NLGN3: variants seen among roughly 807,000 people sequenced by gnomAD.
The protein encoded by NLGN3 is neuroligin 3, also known as neuroligin-3.
A neutral mutation model predicts 42.9 loss-of-function variants in NLGN3; 11 were observed. The ratio of observed to expected loss-of-function variants is 0.26; its 90% confidence interval spans 0.16 to 0.42. The LOEUF is 0.42. NLGN3 is among the 10% of genes least tolerant of loss of function. NLGN3 has a pLI of 1.00. For missense variants in NLGN3, 374 were observed against 733.8 expected (o/e 0.51, Z 5.67); for synonymous variants, 279 against 312.7 (o/e 0.89, Z 1.14).
downstream of NLGN3, among the ~76,000 whole-genome samples, chrX:71,172,209 C>T (rs1369373717): frequency 1.8e-5 from 2 of 111,202 alleles, no homozygotes; most frequent in African/African-American, 6.6e-5. Context: ...GGTTTTTCCC[C>T]CTCCTTTCCT....
At chrX:71,172,655 TGA>T (rs1491031691), downstream of NLGN3, among the ~76,000 whole-genome samples, 3 of 107,129 alleles carry the variant, frequency 2.8e-5, no homozygotes, top group South Asian at 4.0e-4. Context: ...TGTGTGTGTG[TGA>T]GATCTAGAAA....
At chrX:71,163,974 G>A (rs185801821) in intron 5 of NLGN3, among the ~76,000 whole-genome samples, 169 bp from the exon 6 acceptor site, 14 of 112,861 alleles carry the variant, frequency 1.2e-4, no homozygotes, top group African/African-American at 4.2e-4. Flanking sequence ...CTCTGTTGAC[G>A]ATGCTGGACA....
At chrX:71,159,336 GGAAAAA>G (rs1272759926) in intron 5 of NLGN3, among the ~76,000 whole-genome samples, 2 of 109,627 alleles carry the variant, frequency 1.8e-5, no homozygotes, top group Non-Finnish European at 3.8e-5. Context: ...AAAAAGAAAA[GGAAAAA>G]GAAAAAGAAA....
intron 3 of NLGN3, among the ~76,000 whole-genome samples, chrX:71,150,876 C>T (rs1213637520): frequency 9.0e-6 from 1 of 111,119 alleles, no homozygotes; most frequent in Non-Finnish European, 1.9e-5. Context: ...CTCAAACATG[C>T]ACATTTACCA....
downstream of NLGN3, among the ~76,000 whole-genome samples, chrX:71,173,977 G>C (rs2092474876): frequency 3.6e-5 from 4 of 111,596 alleles, no homozygotes; most frequent in African/African-American, 1.3e-4. Flanking sequence ...GTGCTTGAGG[G>C]GATGGGCCAA....
At chrX:71,150,626 C>T (rs1366035247) in intron 3 of NLGN3, among the ~76,000 whole-genome samples, 2 of 104,441 alleles carry the variant, frequency 1.9e-5, no homozygotes, top group African/African-American at 7.0e-5. Flanking sequence ...GGCATGAACC[C>T]AGGAGGCAGA....
intron 5 of NLGN3, among the ~76,000 whole-genome samples, chrX:71,161,114 TC>T (rs2092428471): frequency 1.0e-5 from 1 of 98,728 alleles, no homozygotes; most frequent in African/African-American, 4.2e-5. Context: ...TTCTTTTCTT[TC>T]TTTTTTTTTT....
chrX:71,148,998 T>A (rs2092381503), intron 3 of NLGN3, 93 bp downstream of exon 3: 3 of 527,915 alleles, frequency 5.7e-6, no homozygotes, highest in African/African-American at 2.4e-5. Flanking sequence ...TTCCTCCAAG[T>A]AGCCCAGGCT....
In NLGN3 at chrX:71,153,548, C is replaced by A; in HGVS notation, c.577+12C>A. 8.3e-7 allele frequency: 1 copy of A among 1,199,521 alleles called. No homozygotes were observed. The highest frequency in any genetic ancestry group is 1.1e-6 in the Non-Finnish European group (1 of 886,733). On this transcript the variant is annotated intron_variant, in intron 4 of 7. Coordinates refer to ENST00000358741, the MANE Select transcript of NLGN3 (RefSeq NM_181303.2). ...GGATGAAGATGAAGGTATTTGGGGGCTGCAGGGCGCGGCGGCTGGTGCATG... is the reference window on the plus strand; with the variant it reads ...GGATGAAGATGAAGGTATTTGGGGGATGCAGGGCGCGGCGGCTGGTGCATG...
rs769129129 is a variant in NLGN3 at position 71,147,833 on chromosome X, C to T, written c.84C>T (p.Phe28=). Residue 28 remains phenylalanine (F), a synonymous_variant, in exon 2 of 8, where the codon TTC becomes TTT. Coordinates refer to ENST00000358741, the MANE Select transcript of NLGN3 (RefSeq NM_181303.2). Reference sequence around the variant, plus strand: ...GGAGCCTGTGCCTCACCCTGTGGTTCCTCAGTTTGGCGCTGAGGGCCAGTA... The same window carrying T: ...GGAGCCTGTGCCTCACCCTGTGGTTTCTCAGTTTGGCGCTGAGGGCCAGTA... ...VGRSLCLTLW[F]LSLALRASTQ... 76 of 1,208,108 alleles carry T rather than the reference C, an allele frequency of 6.3e-5. 1 individual carries two copies. The South Asian group carries it at 1.3e-3, about 21-fold the overall frequency.
intron 5 of NLGN3, among the ~76,000 whole-genome samples, chrX:71,159,001 TGCACACACATGCATGTGC>T (rs1556347607): frequency 9.0e-6 from 1 of 110,861 alleles, no homozygotes; most frequent in African/African-American, 3.3e-5. Flanking sequence ...CATGCGTGTG[TGCACACACATGCATGTGC>T]GCACACACAC....
intron 1 of NLGN3, among the ~76,000 whole-genome samples, chrX:71,147,323 A>G (rs1437991542): frequency 8.9e-6 from 1 of 112,277 alleles, no homozygotes; most frequent in African/African-American, 3.2e-5. Context: ...TTGCAGTGGC[A>G]ACAACTGTCA....
rs2092368170 is a variant in NLGN3, at chrX:71,146,164, C to CACACAG, written c.-201+1205_-201+1206insGACACA. Among the ~76,000 whole-genome samples the CACACAG allele has an allele frequency of 6.2e-5, 3 of 48,012 alleles. No individual in the cohort carries two copies. In the Admixed American group the frequency reaches 8.6e-4, roughly 14 times the overall value. The allele number at this position is 48,012 out of a possible 115,157, so 41.7% of individuals were successfully genotyped here. A position where few individuals can be genotyped will look rare whatever the true frequency, so the allele number is the denominator to read the frequency against. On this transcript the variant is annotated intron_variant, in intron 1 of 7. Coordinates refer to ENST00000358741, the MANE Select transcript of NLGN3 (RefSeq NM_181303.2). ...TCTCTCTCTCTCTCTCACACACACA[C>CACACAG]ACACACAGACACACACACACACACA... is the stretch of plus-strand genomic sequence containing the variant.
chrX:71,158,055 TTC>T (rs2092415961), intron 5 of NLGN3, among the ~76,000 whole-genome samples: 1 of 107,966 alleles, frequency 9.3e-6, no homozygotes, highest in African/African-American at 3.4e-5. Flanking sequence ...GCTGCACACT[TTC>T]TTTTTTTAAT....
At chrX:71,175,108 T>A (rs1411058702), downstream of NLGN3, among the ~76,000 whole-genome samples, 1 of 111,576 alleles carries the variant, frequency 9.0e-6, no homozygotes, top group Non-Finnish European at 1.9e-5. Flanking sequence ...GTGAGAAGAC[T>A]GAAGAATCCC....
Position 71,169,636 on chromosome X carries a change from C to T in NLGN3, c.2086C>T (p.Leu696Phe). 1 of 1,212,164 alleles carries T rather than the reference C, an allele frequency of 8.2e-7. No individual in the cohort carries two copies. The part of the protein sequence containing the change: ...SWNGDQDAGP[L>F]LVENPRDYST... Reference sequence around the variant, plus strand: ...GAACGGGGACCAGGATGCAGGGCCACTCCTGGTGGAGAACCCTCGTGACTA... The same window carrying T: ...GAACGGGGACCAGGATGCAGGGCCATTCCTGGTGGAGAACCCTCGTGACTA... The change falls in exon 8 of 8, where the codon CTC becomes TTC. Residue 696 changes from leucine to phenylalanine, a missense_variant. By Grantham distance (22) the Leu-to-Phe change is conservative (BLOSUM62 0). Transcript: ENST00000358741.
chrX:71,163,730 A>T (rs1440707779), intron 5 of NLGN3, among the ~76,000 whole-genome samples: 2 of 112,224 alleles, frequency 1.8e-5, no homozygotes, highest in African/African-American at 6.5e-5. Context: ...TACATGACTA[A>T]GATGTGATAG....
At position 71,170,740 on chromosome X, in the gene NLGN3, C is replaced by A; in HGVS notation, c.*643C>A. 1 of 760,058 alleles carries A rather than the reference C, an allele frequency of 1.3e-6. No individual in the cohort carries two copies. Among genetic ancestry groups the A allele is most frequent in the Non-Finnish European group, 1.6e-6 (1 of 642,663 alleles). The allele number at this position is 760,058 out of a possible 1,213,427, so 62.6% of individuals were successfully genotyped here. On this transcript the variant is annotated 3_prime_UTR_variant, in exon 8 of 8. Transcript: ENST00000358741. Reference sequence around the variant, plus strand: ...AGGAAGGAAACAGATTTAAGCAAGACCATGGGGTGGAAGGAGAAAGGGGCT... The same window carrying A: ...AGGAAGGAAACAGATTTAAGCAAGAACATGGGGTGGAAGGAGAAAGGGGCT...
chrX:71,157,318 A>ATTTG (rs2092413246), intron 5 of NLGN3, among the ~76,000 whole-genome samples: 2 of 102,480 alleles, frequency 2.0e-5, no homozygotes, highest in Admixed American at 2.1e-4. Flanking sequence ...TTATTTATTT[A>ATTTG]TTTATTATTT....
Sources: allele counts gnomAD v4.1 joint callset (sites outside exome capture counted in the v4.1 genomes callset), GRCh38; gene constraint gnomAD v4.1.1; transcripts MANE v1.5; gene names NCBI Gene and HGNC (gene_info 2026-07-23, HGNC 2026-07-21).